Variants in FNIP1 observed in about 807,000 individuals in gnomAD.
FNIP1 encodes the protein folliculin interacting protein 1, also known as folliculin-interacting protein 1.
A neutral mutation model predicts 124.5 loss-of-function variants in FNIP1; 40 were observed. That is an observed-to-expected ratio of 0.32 (90% confidence interval 0.25 to 0.42). FNIP1 has a LOEUF of 0.42. Among genes scored for constraint, FNIP1 ranks in the 10% least tolerant of loss-of-function variants. The pLI, the probability that FNIP1 is intolerant of heterozygous loss-of-function variation, is 1.00. For synonymous variants in FNIP1, 472 were observed against 470.6 expected (o/e 1.00, Z -0.04); for missense variants, 1,176 against 1,403.7 (o/e 0.84, Z 2.59).
rs139818502 is a variant in FNIP1, at chr5:131,752,807, C to A, written c.93-8117G>T. ...CCACGGCCGGGCGCGGTGGCTCACG[C>A]CTGTAATCCCAGCACTTTGGGAGGC... On this transcript the variant is annotated intron_variant, in intron 1 of 17. Transcript: ENST00000510461. Among the ~76,000 whole-genome samples, 790 of 152,300 alleles carry A rather than the reference C, an allele frequency of 5.2e-3. 5 individuals are homozygous for A. Among genetic ancestry groups the A allele is most frequent in the African/African-American group, 0.017 (725 of 41,568 alleles).
chr5:131,695,459 A>C (rs1768661975), intron 11 of FNIP1, among the ~76,000 whole-genome samples: 1 of 152,208 alleles, frequency 6.6e-6, no homozygotes, highest in African/African-American at 2.4e-5. Flanking sequence ...AATATTCCAG[A>C]AGAAAAGAAA....
In FNIP1 at chr5:131,670,458, C is replaced by G. The variant is rs1236552749; in HGVS notation, c.3108+5G>C. On this transcript the variant is annotated splice_donor_5th_base_variant and intron_variant, in intron 15 of 17. Coordinates refer to ENST00000510461, the MANE Select transcript of FNIP1 (RefSeq NM_133372.3). ...ATAAACTCAAAAACAGTGAAGGTCACTCACCTGCACAGCATGAGATAAATC... is the reference window on the plus strand; with the variant it reads ...ATAAACTCAAAAACAGTGAAGGTCAGTCACCTGCACAGCATGAGATAAATC... 3.2e-6 allele frequency: 5 copies of G among 1,571,332 alleles called. No individual in the cohort carries two copies. In the South Asian group the frequency reaches 6.0e-5, roughly 19 times the overall value.
chr5:131,736,539 A>G (rs1770311089), intron 2 of FNIP1, among the ~76,000 whole-genome samples: 1 of 152,232 alleles, frequency 6.6e-6, no homozygotes, highest in Non-Finnish European at 1.5e-5. Context: ...ACCAGGCCAC[A>G]TGGCAAGAGG....
At chr5:131,758,101 A>T (rs1332362528) in intron 1 of FNIP1, among the ~76,000 whole-genome samples, 1 of 152,218 alleles carries the variant, frequency 6.6e-6, no homozygotes, top group Admixed American at 6.5e-5. Context: ...TTATTACCTA[A>T]AAGTTGCCTG....
intron 11 of FNIP1, among the ~76,000 whole-genome samples, chr5:131,680,303 A>T (rs941230892): frequency 1.3e-5 from 2 of 152,204 alleles, no homozygotes; most frequent in African/African-American, 4.8e-5. Flanking sequence ...TGCCTCTACA[A>T]ATTTTGTTGA....
intron 2 of FNIP1, among the ~76,000 whole-genome samples, chr5:131,733,907 C>A (rs1441181650): frequency 6.6e-6 from 1 of 152,146 alleles, no homozygotes; most frequent in Non-Finnish European, 1.5e-5. Flanking sequence ...AGGAATGGTA[C>A]CAGCTCCTCC....
intron 1 of FNIP1, among the ~76,000 whole-genome samples, chr5:131,788,217 A>G (rs1036851071): frequency 1.3e-5 from 2 of 152,360 alleles, no homozygotes; most frequent in Admixed American, 1.3e-4. Flanking sequence ...AACTTGGTAG[A>G]CTAAGAGAAT....
intron 1 of FNIP1, among the ~76,000 whole-genome samples, chr5:131,745,049 C>T (rs1770630307): frequency 6.6e-6 from 1 of 151,434 alleles, no homozygotes; most frequent in South Asian, 2.1e-4. Flanking sequence ...ATAAGGTTAA[C>T]CCATATTTTT....
At chr5:131,693,293 T>A (rs1768546651) in intron 11 of FNIP1, among the ~76,000 whole-genome samples, 1 of 35,154 alleles carries the variant, frequency 2.8e-5, no homozygotes, top group Admixed American at 3.2e-4. Context: ...TAGCTAAATA[T>A]ATACATATAT....
At position 131,668,736 on chromosome 5, in the gene FNIP1, T is replaced by TG. The variant is rs539922171; in HGVS notation, c.3108+1726dup. 1.4e-3 allele frequency among the ~76,000 whole-genome samples: 210 copies of TG among 152,208 alleles called. 1 individual carries two copies. Among genetic ancestry groups the TG allele is most frequent in the African/African-American group, 4.8e-3 (200 of 41,538 alleles). ...GAACAAACAGGAAATATTTTAGGTT[T>TG]GGGGGCTGAAAAGTCTCTGTCTCAA... On this transcript the variant is annotated intron_variant, in intron 15 of 17. Transcript: ENST00000510461.
At chr5:131,761,513 A>G (rs1057447932) in intron 1 of FNIP1, among the ~76,000 whole-genome samples, 2 of 152,180 alleles carry the variant, frequency 1.3e-5, no homozygotes, top group Non-Finnish European at 1.5e-5. Context: ...AGTAATCCCA[A>G]TTACAGTAAC....
chr5:131,702,035 C>T (rs902347222), intron 10 of FNIP1, among the ~76,000 whole-genome samples: 30 of 152,126 alleles, frequency 2.0e-4, no homozygotes, highest in African/African-American at 6.5e-4. Context: ...CTGGAAAATT[C>T]GCCAAGATGT....
rs370614765 is a variant in FNIP1 at position 131,702,682 on chromosome 5, T to C, written c.1116+1383A>G. On this transcript the variant is annotated intron_variant, in intron 10 of 17. Transcript: ENST00000510461. ...CCCCCAAATTTCTAAAAAACCTTTG[T>C]CCTTCCTTTTTAGCTTAGATTCTAA... Among the ~76,000 whole-genome samples, 39 of 152,308 alleles carry C rather than the reference T, an allele frequency of 2.6e-4. No homozygotes were observed. In the South Asian group the frequency reaches 7.5e-3, roughly 29 times the overall value.
chr5:131,749,468 C>T (rs1447317669), intron 1 of FNIP1, among the ~76,000 whole-genome samples: 3 of 150,976 alleles, frequency 2.0e-5, no homozygotes, highest in Non-Finnish European at 4.4e-5. Context: ...TTTTGGCTCA[C>T]TGCAACCTCC....
At chr5:131,646,127 G>A (rs1193788687) in intron 17 of FNIP1, among the ~76,000 whole-genome samples, 1 of 152,154 alleles carries the variant, frequency 6.6e-6, no homozygotes, top group Non-Finnish European at 1.5e-5. Flanking sequence ...TCCTGTTACT[G>A]ATTTTCCAAA....
At chr5:131,688,851 A>G (rs994120163) in intron 11 of FNIP1, among the ~76,000 whole-genome samples, 1 of 151,972 alleles carries the variant, frequency 6.6e-6, no homozygotes, top group Non-Finnish European at 1.5e-5. Flanking sequence ...AGGATAAAAA[A>G]TAATATCCAG....
At chr5:131,659,272 G>A (rs763582739) in intron 15 of FNIP1, among the ~76,000 whole-genome samples, 60 of 152,360 alleles carry the variant, frequency 3.9e-4, no homozygotes, top group Middle Eastern at 3.4e-3. Context: ...CACATTTCAT[G>A]ATGGAGTTGA....
At chr5:131,781,627 AT>A (rs888494794) in intron 1 of FNIP1, among the ~76,000 whole-genome samples, 5 of 152,216 alleles carry the variant, frequency 3.3e-5, no homozygotes, top group African/African-American at 1.2e-4. Context: ...TTAACTGAGT[AT>A]TTTAAGCCCA....
rs70974003 is a variant in FNIP1 at position 131,658,907 on chromosome 5, CAAAAAA to C, written c.3109-6914_3109-6909del. On this transcript the variant is annotated intron_variant, in intron 15 of 17. Coordinates refer to ENST00000510461, the MANE Select transcript of FNIP1 (RefSeq NM_133372.3). ...CCAGTTTTTAAATCCTGGGTCTAGC[CAAAAAA>C]AAAAAAAAAAAAAAAAAAAAAAATC... 8.5e-3 allele frequency among the ~76,000 whole-genome samples: 349 copies of C among 41,142 alleles called. 3 individuals are homozygous for C. Among genetic ancestry groups the C allele is most frequent in the African/African-American group, 0.034 (327 of 9,748 alleles). 27.0% of individuals were successfully genotyped at this position (41,142 alleles called of 152,430 possible). A position where few individuals can be genotyped will look rare whatever the true frequency, so the allele number is the denominator to read the frequency against.
Sources: gnomAD v4.1 joint callset for allele counts (sites outside exome capture counted in the v4.1 genomes callset) on GRCh38, gnomAD v4.1.1 for gene constraint, MANE v1.5 for transcripts, NCBI Gene and HGNC (gene_info 2026-07-23, HGNC 2026-07-21) for gene names.